Variants in SIPA1L2 observed in about 807,000 individuals in gnomAD.
SIPA1L2 encodes signal-induced proliferation-associated 1-like protein 2.
In SIPA1L2, 56 loss-of-function variants were observed where a neutral mutation model predicts 163.9. The ratio of observed to expected loss-of-function variants is 0.34; its 90% CI spans 0.28 to 0.43. The LOEUF is 0.43. Among genes scored for constraint, SIPA1L2 ranks in the 20% least tolerant of loss-of-function variants. The probability of loss-of-function intolerance (pLI) is 1.00; values close to 1 mark genes in which losing one functional copy is unlikely to be tolerated. For synonymous variants in SIPA1L2, 877 were observed against 865.7 expected, an observed-to-expected ratio of 1.01 and a Z score of -0.23; for missense variants, 1,974 against 2,193.5, an observed-to-expected ratio of 0.90 and a Z score of 2.00.
intron 1 of SIPA1L2, among the ~76,000 whole-genome samples, chr1:232,602,657 G>A (rs1228785326): frequency 3.3e-5 from 5 of 152,176 alleles, no homozygotes; most frequent in Non-Finnish European, 5.9e-5. Context: ...AAGCAGGGAA[G>A]GCTCATAACT....
intron 9 of SIPA1L2, among the ~76,000 whole-genome samples, chr1:232,463,557 T>C (rs972266751): frequency 6.6e-6 from 1 of 152,176 alleles, no homozygotes; most frequent in Admixed American, 6.5e-5. Context: ...ATGGAGTCCA[T>C]CGAATAGCAA....
chr1:232,413,572 A>G (rs1307137420), intron 19 of SIPA1L2, among the ~76,000 whole-genome samples: 4 of 152,238 alleles, frequency 2.6e-5, no homozygotes, highest in East Asian at 3.8e-4. Flanking sequence ...TAAGAGGTTG[A>G]GAGCTGTGCT....
At chr1:232,524,102 TTTA>T (rs1231562874) in intron 2 of SIPA1L2, among the ~76,000 whole-genome samples, 1 of 152,184 alleles carries the variant, frequency 6.6e-6, no homozygotes, top group Non-Finnish European at 1.5e-5. Context: ...TTTTATGTGG[TTTA>T]TTGTCTGATA....
chr1:232,576,511 C>T (rs1660084937), intron 1 of SIPA1L2, among the ~76,000 whole-genome samples: 1 of 152,146 alleles, frequency 6.6e-6, no homozygotes, highest in Non-Finnish European at 1.5e-5. Context: ...TCAGACCTCC[C>T]GATTCCCTGA....
intron 2 of SIPA1L2, chr1:232,561,565 AAATGAAACACT>A (rs1426873664): frequency 6.6e-6 from 1 of 152,268 alleles, no homozygotes; most frequent in East Asian, 1.9e-4. Flanking sequence ...TAGTAACAGG[AAATGAAACACT>A]AATGAGCCAA....
At chr1:232,562,494 G>T (rs1437127272) in intron 2 of SIPA1L2, among the ~76,000 whole-genome samples, 1 of 152,080 alleles carries the variant, frequency 6.6e-6, no homozygotes, top group East Asian at 1.9e-4. Flanking sequence ...AATAAAGGAA[G>T]AAAAGAATCA....
chr1:232,493,424 T>A lies in SIPA1L2; in HGVS notation c.1617+103A>T, dbSNP rs1425983485. ...TCTTAAATGTTGCAATCATTAACAT[T>A]AAAAAAAAATAAATTCAGTACCCTA... On this transcript the variant is annotated intron_variant, in intron 4 of 22. Coordinates refer to ENST00000674635, the MANE Select transcript of SIPA1L2 (RefSeq NM_020808.5). 1.4e-4 allele frequency: 189 copies of A among 1,324,888 alleles called. No homozygotes were observed. In the East Asian group the frequency reaches 4.4e-3, roughly 31 times the overall value. The allele number at this position is 1,324,888 out of a possible 1,614,324, so 82.1% of individuals were successfully genotyped here.
intron 2 of SIPA1L2, among the ~76,000 whole-genome samples, chr1:232,535,247 T>A (rs1424042974): frequency 6.6e-6 from 1 of 151,764 alleles, no homozygotes; most frequent in Non-Finnish European, 1.5e-5. Flanking sequence ...ACAACATATG[T>A]TTTTTTTTAA....
intron 1 of SIPA1L2, among the ~76,000 whole-genome samples, chr1:232,617,091 A>G (rs1662540092): frequency 6.6e-6 from 1 of 152,268 alleles, no homozygotes; most frequent in African/African-American, 2.4e-5. Flanking sequence ...TTAATTAGAA[A>G]TAATTCCTCA....
intron 3 of SIPA1L2, among the ~76,000 whole-genome samples, chr1:232,501,645 T>C (rs1053110942): frequency 6.6e-6 from 1 of 152,216 alleles, no homozygotes; most frequent in African/African-American, 2.4e-5. Flanking sequence ...CCAGAATAAA[T>C]CTTATTTCCC....
intron 9 of SIPA1L2, among the ~76,000 whole-genome samples, chr1:232,463,976 G>A (rs964972009): frequency 2.0e-5 from 3 of 151,984 alleles, no homozygotes; most frequent in Non-Finnish European, 4.4e-5. Context: ...TTGGTGGGAG[G>A]AAAGGGGGCA....
In SIPA1L2 at chr1:232,480,154, CGTGTGTGTGT is replaced by C. The variant is rs536840154; in HGVS notation, c.1982-434_1982-425del. Among the ~76,000 whole-genome samples the C allele has an allele frequency of 2.6e-3, 344 of 132,824 alleles. 1 individual carries two copies. The highest frequency in any genetic ancestry group is 7.4e-3 in the East Asian group (35 of 4,750). The allele number at this position is 132,824 out of a possible 152,430, so 87.1% of individuals were successfully genotyped here. On this transcript the variant is annotated intron_variant, in intron 6 of 22. Coordinates refer to ENST00000674635, the MANE Select transcript of SIPA1L2 (RefSeq NM_020808.5). ...CTGGCCGCATCTGTGTGTGTGTGTG[CGTGTGTGTGT>C]GTGTGTGTGTGTGTGTGTGTGTGTG...
chr1:232,472,668 T>C (rs1572950480), intron 7 of SIPA1L2, among the ~76,000 whole-genome samples: 1 of 152,242 alleles, frequency 6.6e-6, no homozygotes. Flanking sequence ...GGTGATGTCA[T>C]TGCTGGAATG....
At chr1:232,451,046 A>G (rs1663544408) in intron 10 of SIPA1L2, among the ~76,000 whole-genome samples, 1 of 152,198 alleles carries the variant, frequency 6.6e-6, no homozygotes, top group South Asian at 2.1e-4. Flanking sequence ...TTAAAATCAA[A>G]CTAATTTTGT....
intron 22 of SIPA1L2, among the ~76,000 whole-genome samples, chr1:232,401,848 G>A (rs113234943): frequency 1.6e-4 from 24 of 152,236 alleles, no homozygotes; most frequent in East Asian, 1.2e-3. Flanking sequence ...ACCCCATTCC[G>A]TTTCCCTGGA....
At chr1:232,521,480 G>C (rs1266214919) in intron 2 of SIPA1L2, among the ~76,000 whole-genome samples, 1 of 152,152 alleles carries the variant, frequency 6.6e-6, no homozygotes, top group Non-Finnish European at 1.5e-5. Flanking sequence ...CCCAATCAAA[G>C]GTTTGTTAAA....
chr1:232,438,200 A>T (rs1038425706), intron 15 of SIPA1L2, among the ~76,000 whole-genome samples: 1 of 152,122 alleles, frequency 6.6e-6, no homozygotes, highest in African/African-American at 2.4e-5. Context: ...GAGCACCATC[A>T]TTTGGAGAAA....
chr1:232,468,861 A>C (rs1664656565), intron 8 of SIPA1L2, among the ~76,000 whole-genome samples: 1 of 152,222 alleles, frequency 6.6e-6, no homozygotes, highest in South Asian at 2.1e-4. Flanking sequence ...CAAATTAAAG[A>C]GTCTTTTATA....
chr1:232,529,608 C>G (rs1667877563), intron 2 of SIPA1L2, among the ~76,000 whole-genome samples: 2 of 152,130 alleles, frequency 1.3e-5, no homozygotes, highest in Admixed American at 6.5e-5. Context: ...TTGGCTCATG[C>G]TAGCTAAGAT....
Sources: gnomAD v4.1 joint callset for allele counts (sites outside exome capture counted in the v4.1 genomes callset) on GRCh38, gnomAD v4.1.1 for gene constraint, MANE v1.5 for transcripts, NCBI Gene and HGNC (gene_info 2026-07-23, HGNC 2026-07-21) for gene names.